BTBD9: variants seen among roughly 807,000 people sequenced by gnomAD.
The protein encoded by BTBD9 is BTB domain containing 9.
A neutral mutation model predicts 64.3 loss-of-function variants in BTBD9; 49 were observed. The ratio of observed to expected loss-of-function variants is 0.76; its 90% CI spans 0.61 to 0.97. The LOEUF is 0.97. Among genes scored for constraint, BTBD9 ranks in the 50% least tolerant of loss-of-function variants. The pLI is 0.00. For missense variants in BTBD9, 598 were observed against 762.1 expected (o/e 0.78, Z 2.53); for synonymous variants, 260 against 274.7 (o/e 0.95, Z 0.53).
intron 6 of BTBD9, among the ~76,000 whole-genome samples, chr6:38,439,110 CTTTT>C (rs35699356): frequency 7.8e-5 from 5 of 64,052 alleles, no homozygotes; most frequent in East Asian, 6.5e-4. Context: ...TAGCAACTGA[CTTTT>C]TTTTTTTTTT....
At chr6:38,634,011 A>G (rs751330803) in intron 1 of BTBD9, among the ~76,000 whole-genome samples, 1 of 152,186 alleles carries the variant, frequency 6.6e-6, no homozygotes, top group Non-Finnish European at 1.5e-5. Context: ...TAGGTGCACA[A>G]GGCAATTATT....
chr6:38,287,239 G>A (rs1761777078), intron 8 of BTBD9, among the ~76,000 whole-genome samples: 1 of 151,306 alleles, frequency 6.6e-6, no homozygotes, highest in Non-Finnish European at 1.5e-5. Flanking sequence ...GACTCACCCA[G>A]AGCAACTTCT....
At chr6:38,390,072 T>C (rs1250452352) in intron 6 of BTBD9, among the ~76,000 whole-genome samples, 2 of 152,230 alleles carry the variant, frequency 1.3e-5, no homozygotes, top group South Asian at 2.1e-4. Flanking sequence ...ATGAAGTGAC[T>C]GAAAATACCT....
intron 6 of BTBD9, among the ~76,000 whole-genome samples, chr6:38,426,068 G>A (rs1768134630): frequency 6.6e-6 from 1 of 151,870 alleles, no homozygotes; most frequent in African/African-American, 2.4e-5. Flanking sequence ...GGACCTCCAG[G>A]TGGAGAGGAG....
At chr6:38,466,484 G>C (rs1770402282) in intron 6 of BTBD9, among the ~76,000 whole-genome samples, 1 of 151,754 alleles carries the variant, frequency 6.6e-6, no homozygotes, top group Non-Finnish European at 1.5e-5. Flanking sequence ...GTAGAGACGG[G>C]GTTTCACCTT....
intron 6 of BTBD9, among the ~76,000 whole-genome samples, chr6:38,387,132 A>C (rs1766207461): frequency 6.6e-6 from 1 of 152,244 alleles, no homozygotes; most frequent in Non-Finnish European, 1.5e-5. Context: ...ACCTTCCTAC[A>C]AACTTCAAAT....
chr6:38,192,417 G>A (rs1401340394), intron 10 of BTBD9, 102 bp downstream of exon 10: 2 of 1,034,508 alleles, frequency 1.9e-6, no homozygotes, highest in Non-Finnish European at 2.9e-6. Context: ...TGAATAGCAG[G>A]CCATTAGCAG....
At chr6:38,362,559 C>T (rs1765004644) in intron 6 of BTBD9, among the ~76,000 whole-genome samples, 1 of 152,088 alleles carries the variant, frequency 6.6e-6, no homozygotes, top group Non-Finnish European at 1.5e-5. Flanking sequence ...AAATTACTCC[C>T]AAAGAACAAA....
At chr6:38,581,070 T>C (rs1776263749) in intron 4 of BTBD9, among the ~76,000 whole-genome samples, 1 of 152,184 alleles carries the variant, frequency 6.6e-6, no homozygotes, top group Non-Finnish European at 1.5e-5. Context: ...CACATGCCTA[T>C]AATCCCAGCT....
At chr6:38,515,400 A>T (rs951503380) in intron 6 of BTBD9, among the ~76,000 whole-genome samples, 1 of 152,212 alleles carries the variant, frequency 6.6e-6, no homozygotes, top group African/African-American at 2.4e-5. Flanking sequence ...TAAATAAGCG[A>T]ATTTGCTTAA....
chr6:38,305,645 C>T (rs920145207), intron 7 of BTBD9, among the ~76,000 whole-genome samples: 1 of 151,982 alleles, frequency 6.6e-6, no homozygotes, highest in Non-Finnish European at 1.5e-5. Context: ...CCACACCGGG[C>T]TAATTTTTTT....
intron 9 of BTBD9, 91 bp from the exon 10 acceptor site, chr6:38,192,688 G>C: frequency 8.6e-7 from 1 of 1,160,564 alleles, no homozygotes; most frequent in Admixed American, 1.8e-5. Context: ...TGAGGAGGGA[G>C]GGCTTCCTGT....
chr6:38,559,872 C>T (rs1775197358), intron 6 of BTBD9, among the ~76,000 whole-genome samples: 1 of 152,110 alleles, frequency 6.6e-6, no homozygotes, highest in African/African-American at 2.4e-5. Context: ...ACTGGCTGGT[C>T]ATATGCAGAA....
At chr6:38,424,541 G>T (rs1768057534) in intron 6 of BTBD9, among the ~76,000 whole-genome samples, 1 of 151,936 alleles carries the variant, frequency 6.6e-6, no homozygotes, top group African/African-American at 2.4e-5. Context: ...TTTTGAGATG[G>T]AGTCTCGCTC....
chr6:38,524,585 A>G (rs1168812411), intron 6 of BTBD9, among the ~76,000 whole-genome samples: 1 of 152,212 alleles, frequency 6.6e-6, no homozygotes, highest in African/African-American at 2.4e-5. Flanking sequence ...TAAGTCCAAC[A>G]TTATGAGTCT....
intron 9 of BTBD9, among the ~76,000 whole-genome samples, chr6:38,255,113 G>A (rs1056120176): frequency 2.6e-5 from 4 of 152,082 alleles, no homozygotes; most frequent in Non-Finnish European, 5.9e-5. Flanking sequence ...GCTACAACAC[G>A]GATGAACCTT....
At position 38,274,012 on chromosome 6, in the gene BTBD9, C is replaced by T. The variant is rs1018245804; in HGVS notation, c.1454+14260G>A. On this transcript the variant is annotated intron_variant, in intron 8 of 10. Coordinates refer to ENST00000481247, the MANE Select transcript of BTBD9 (RefSeq NM_001099272.2). ...GCAAACAGACTAATCTGATCATCAT[C>T]TTCTTGTCCACAATTTCAGGAAGGA... Among the ~76,000 whole-genome samples the T allele has an allele frequency of 2.6e-5, 4 of 152,192 alleles. No homozygotes were observed. In the East Asian group the frequency reaches 7.7e-4, roughly 29 times the overall value.
Position 38,171,391 on chromosome 6 carries a change from A to G in BTBD9, c.*3594T>C, listed in dbSNP as rs991837143. 2 of 152,180 alleles carry G rather than the reference A, an allele frequency of 1.3e-5. No individual in the cohort carries two copies. Among genetic ancestry groups the G allele is most frequent in the Non-Finnish European group, 2.9e-5 (2 of 68,034 alleles). The allele number at this position is 152,180 out of a possible 1,614,324, so 9.4% of individuals were successfully genotyped here. A position where few individuals can be genotyped will look rare whatever the true frequency, so the allele number is the denominator to read the frequency against. The stretch of plus-strand genomic sequence containing the variant: ...TTTTCCCAACTCTTCTAGGAATAAA[A>G]CACTTTTAATGTATTTGTCAGGAAT... On this transcript the variant is annotated 3_prime_UTR_variant, in exon 11 of 11. Coordinates refer to ENST00000481247, the MANE Select transcript of BTBD9 (RefSeq NM_001099272.2).
chr6:38,440,070 C>CA (rs1220043230), intron 6 of BTBD9, among the ~76,000 whole-genome samples: 3 of 152,082 alleles, frequency 2.0e-5, no homozygotes, highest in African/African-American at 7.2e-5. Context: ...GTAAAAGTGT[C>CA]AAGTAGGCCA....
Sources: gnomAD v4.1 joint callset for allele counts (sites outside exome capture counted in the v4.1 genomes callset) on GRCh38, gnomAD v4.1.1 for gene constraint, MANE v1.5 for transcripts, NCBI Gene and HGNC (gene_info 2026-07-23, HGNC 2026-07-21) for gene names.